Variants in ORMDL3 observed in about 807,000 individuals in gnomAD.
The protein encoded by ORMDL3 is ORM1-like protein 3.
In ORMDL3, 6 loss-of-function variants were observed where a neutral mutation model predicts 12.6. The ratio of observed to expected loss-of-function variants is 0.48; its 90% CI spans 0.26 to 0.94. The LOEUF is 0.94. Ranked by LOEUF, ORMDL3 falls within the 40% of genes least tolerant of loss-of-function variation. The pLI is 0.14. For missense variants in ORMDL3, 159 were observed against 205.5 expected (o/e 0.77, Z 1.38); for synonymous variants, 99 against 87.2 (o/e 1.14, Z -0.75).
At chr17:39,923,982 C>T (rs1978319468) in intron 2 of ORMDL3, 48 bp downstream of exon 2, 1 of 1,530,194 alleles carries the variant, frequency 6.5e-7, no homozygotes, top group East Asian at 2.3e-5. Flanking sequence ...AAAGGGCAGC[C>T]CACAGGGCAG....
chr17:39,923,188 T>C lies in ORMDL3; in HGVS notation c.250A>G (p.Thr84Ala), dbSNP rs1309479911. The part of the protein sequence containing the change: ...TPDQGKARLL[T>A]HWEQMDYGVQ... ...CCATAATCCATCTGCTCCCAGTGGG[T>C]TAGCAGCCTCGCCTTGCCCTGGTCC... The change falls in exon 3 of 4, where the codon ACC (threonine) becomes GCC (alanine). Residue 84 changes from threonine (T) to alanine (A), a missense_variant. Thr to Ala is a moderately conservative substitution (Grantham distance 58, BLOSUM62 0). Transcript: ENST00000304046. The C allele has an allele frequency of 6.2e-7, 1 of 1,614,144 alleles. No individual in the cohort carries two copies. Among genetic ancestry groups the C allele is most frequent in the Non-Finnish European group, 8.5e-7 (1 of 1,180,012 alleles).
Position 39,921,878 on chromosome 17 carries a change from G to A in ORMDL3, c.*672C>T. 6.6e-6 allele frequency: 1 copy of A among 152,502 alleles called. No homozygotes were observed. The highest frequency in any genetic ancestry group is 1.5e-5 in the Non-Finnish European group (1 of 68,232). 9.4% of individuals were successfully genotyped at this position (152,502 alleles called of 1,614,324 possible). On this transcript the variant is annotated 3_prime_UTR_variant, in exon 4 of 4. Transcript: ENST00000304046. ...CCTACAGCTCCCCAACCTCCACCAG[G>A]CCAGGATGGCAGCAGCCCTGGCCCC...
chr17:39,926,717 G>A, intron 1 of ORMDL3: 1 of 893,296 alleles, frequency 1.1e-6, no homozygotes. Context: ...CAGCCAGTAT[G>A]CCAGACACTC....
rs529932183 is a variant in ORMDL3, at chr17:39,922,235, G to A, written c.*315C>T. On this transcript the variant is annotated 3_prime_UTR_variant, in exon 4 of 4. Transcript: ENST00000304046. ...GGGGTTTTTCCCCTGGCCTCCTGTCGCAACTGCGTGGTCCATGTTCAGCCC... is the reference window on the plus strand; with the variant it reads ...GGGGTTTTTCCCCTGGCCTCCTGTCACAACTGCGTGGTCCATGTTCAGCCC... 3 of 222,582 alleles carry A rather than the reference G, an allele frequency of 1.3e-5. No individual in the cohort carries two copies. The highest frequency in any genetic ancestry group is 2.7e-5 in the Non-Finnish European group (3 of 113,118). The allele number at this position is 222,582 out of a possible 1,614,324, so 13.8% of individuals were successfully genotyped here. A position where few individuals can be genotyped will look rare whatever the true frequency, so the allele number is the denominator to read the frequency against.
chr17:39,923,854 G>C (rs909155817), intron 2 of ORMDL3, among the ~76,000 whole-genome samples, 176 bp downstream of exon 2: 2 of 152,006 alleles, frequency 1.3e-5, no homozygotes, highest in Non-Finnish European at 2.9e-5. Context: ...GAACCCAGAA[G>C]GGGGAGCAAG....
intron 1 of ORMDL3, chr17:39,927,033 C>T (rs1213848554): frequency 1.0e-6 from 1 of 979,768 alleles, no homozygotes; most frequent in African/African-American, 1.8e-5. Flanking sequence ...GCACTAAGCA[C>T]AGGAGAGGAG....
chr17:39,927,027 T>A (rs892844909), intron 1 of ORMDL3: 25 of 980,966 alleles, frequency 2.5e-5, no homozygotes, highest in Non-Finnish European at 3.0e-5. Flanking sequence ...GAACCCGCAC[T>A]AAGCACAGGA....
At chr17:39,927,459 G>T in intron 1 of ORMDL3, 25 bp downstream of exon 1, 2 of 985,554 alleles carry the variant, frequency 2.0e-6, no homozygotes, top group Non-Finnish European at 2.4e-6. Flanking sequence ...TAGCCCTGGG[G>T]CCTCTTGGTT....
At position 39,927,578 on chromosome 17, in the gene ORMDL3, C is replaced by T. The variant is rs1005011154; in HGVS notation, c.-117G>A. On this transcript the variant is annotated 5_prime_UTR_variant, in exon 1 of 4. Transcript: ENST00000304046. ...TGTAACAACCCGCGGCTGCAGCCTC[C>T]CCGCTGGCAGCTCCGGCCGAATCAG... The T allele has an allele frequency of 1.1e-5, 11 of 985,586 alleles. No homozygotes were observed. Among genetic ancestry groups the T allele is most frequent in the South Asian group, 9.4e-5 (2 of 21,324 alleles). 61.1% of individuals were successfully genotyped at this position (985,586 alleles called of 1,614,324 possible).
chr17:39,927,369 AC>A, intron 1 of ORMDL3, 114 bp downstream of exon 1: 2 of 552,834 alleles, frequency 3.6e-6, no homozygotes, highest in Non-Finnish European at 4.3e-6. Context: ...CACTCCCTCC[AC>A]CCCCCACTCC....
intron 1 of ORMDL3, chr17:39,926,865 A>G (rs1978456687): frequency 1.0e-6 from 1 of 985,858 alleles, no homozygotes; most frequent in African/African-American, 1.7e-5. Flanking sequence ...CTGGATGGGG[A>G]CCCCAACGGG....
At chr17:39,926,864 G>C in intron 1 of ORMDL3, 1 of 986,042 alleles carries the variant, frequency 1.0e-6, no homozygotes, top group South Asian at 4.7e-5. Flanking sequence ...CCTGGATGGG[G>C]ACCCCAACGG....
intron 3 of ORMDL3, 97 bp downstream of exon 3, chr17:39,923,015 C>G (rs369509549): frequency 9.4e-6 from 14 of 1,497,308 alleles, no homozygotes; most frequent in African/African-American, 4.1e-5. Flanking sequence ...CATCCCTACA[C>G]CAGGAGCCAC....
chr17:39,925,478 A>G (rs1251406466), intron 1 of ORMDL3: 1 of 152,242 alleles, frequency 6.6e-6, no homozygotes, highest in African/African-American at 2.4e-5. Context: ...CACCATGGTA[A>G]CAGCCCCATC....
chr17:39,923,355 T>G, intron 2 of ORMDL3, 92 bp from the exon 3 acceptor site: 1 of 1,420,508 alleles, frequency 7.0e-7, no homozygotes, highest in Non-Finnish European at 9.8e-7. Flanking sequence ...TAACTCCCAG[T>G]GATCTGGAGC....
chr17:39,922,726 G>A (rs1322349953), intron 3 of ORMDL3, 41 bp from the exon 4 acceptor site: 2 of 1,598,906 alleles, frequency 1.3e-6, no homozygotes, highest in South Asian at 2.2e-5. Context: ...AAGACTGTTG[G>A]GAGGACCCCT....
chr17:39,926,444 A>C (rs1317942707), intron 1 of ORMDL3: 1 of 152,286 alleles, frequency 6.6e-6, no homozygotes, highest in Non-Finnish European at 1.5e-5. Context: ...TTAGTAAAAC[A>C]ACCAACTGGC....
In ORMDL3 at chr17:39,921,407, T is replaced by C. The variant is rs1346548443; in HGVS notation, c.*1143A>G. The C allele has an allele frequency of 6.6e-6, 1 of 152,434 alleles. No individual in the cohort carries two copies. Among genetic ancestry groups the C allele is most frequent in the East Asian group, 1.9e-4 (1 of 5,326 alleles). 9.4% of individuals were successfully genotyped at this position (152,434 alleles called of 1,614,324 possible). A position where few individuals can be genotyped will look rare whatever the true frequency, so the allele number is the denominator to read the frequency against. On this transcript the variant is annotated 3_prime_UTR_variant, in exon 4 of 4. Coordinates refer to ENST00000304046, the MANE Select transcript of ORMDL3 (RefSeq NM_139280.4). ...CTCTGTGCTGCTTGAGCAGGGATCC[T>C]ACAGGACTCTCACCACAGACCCCAC...
chr17:39,927,307 C>T (rs1978485521), intron 1 of ORMDL3, 177 bp downstream of exon 1: 2 of 299,122 alleles, frequency 6.7e-6, no homozygotes, highest in South Asian at 1.3e-4. Flanking sequence ...GCCTCCCGCT[C>T]GCACTTTATT....
Sources: gnomAD v4.1 joint callset for allele counts (sites outside exome capture counted in the v4.1 genomes callset) on GRCh38, gnomAD v4.1.1 for gene constraint, MANE v1.5 for transcripts, NCBI Gene and HGNC (gene_info 2026-07-23, HGNC 2026-07-21) for gene names.